The following CCNF variants were observed in gnomAD, a reference collection of about 807,000 sequenced individuals.
CCNF encodes the protein cyclin F.
CCNF carries 30 observed loss-of-function variants against 85.4 expected under a neutral mutation model. That is an observed-to-expected ratio of 0.35 (90% CI 0.26 to 0.48). The LOEUF (loss-of-function observed/expected upper bound fraction) is 0.48. CCNF is among the 20% of genes least tolerant of loss of function. The pLI is 0.99. For missense variants in CCNF, 919 were observed against 1,010.4 expected (o/e 0.91, Z 1.23); for synonymous variants, 439 against 425.1 (o/e 1.03, Z -0.40).
chr16:2,438,922 C>T (rs932164671), intron 6 of CCNF, among the ~76,000 whole-genome samples: 2 of 151,388 alleles, frequency 1.3e-5, no homozygotes, highest in South Asian at 2.1e-4. Flanking sequence ...TGCTTGAACC[C>T]GGGAAGCTGA....
chr16:2,453,437 G>A lies in CCNF; in HGVS notation c.1615G>A (p.Ala539Thr), dbSNP rs1389778807. The change falls in exon 15 of 17, where the codon GCA becomes ACA. Residue 539 changes from alanine to threonine, a missense_variant. Transcript: ENST00000397066. The surrounding 1 kb of genome is among the most constrained non-coding windows in gnomAD (Gnocchi z 5.6). The stretch of plus-strand genomic sequence containing the variant: ...GCTGAGCTACAGCCAGTTGTGTGCT[G>A]CATTAGGAGTGACACAAGACAGCCC... The part of the protein sequence containing the change: ...EVLSYSQLCA[A>T]LGVTQDSPDP... The A allele has an allele frequency of 2.5e-6, 4 of 1,613,898 alleles. No homozygotes were observed. The highest frequency in any genetic ancestry group is 3.4e-6 in the Non-Finnish European group (4 of 1,180,000).
intron 16 of CCNF, among the ~76,000 whole-genome samples, chr16:2,455,935 G>A (rs1399151588): frequency 6.6e-6 from 1 of 152,220 alleles, no homozygotes; most frequent in African/African-American, 2.4e-5. Flanking sequence ...AATTTGAGAG[G>A]CTGAGGCAGG....
In CCNF at chr16:2,451,082, C is replaced by A. The variant is rs2065392728; in HGVS notation, c.1487+1167C>A. On this transcript the variant is annotated intron_variant, in intron 13 of 16. Coordinates refer to ENST00000397066, the MANE Select transcript of CCNF (RefSeq NM_001761.3). This position sits in a 1 kb window ranked among gnomAD's most constrained non-coding sequence, Gnocchi z 4.3. ...CCCTCGCCACATCTAAGCCCCTTCACTCGCCCTGGCAGCTTCCCTTCAGCC... is the reference window on the plus strand; with the variant it reads ...CCCTCGCCACATCTAAGCCCCTTCAATCGCCCTGGCAGCTTCCCTTCAGCC... 6.6e-6 allele frequency among the ~76,000 whole-genome samples: 1 copy of A among 152,266 alleles called. No homozygotes were observed.
At chr16:2,438,731 TC>T (rs2065305245) in intron 6 of CCNF, among the ~76,000 whole-genome samples, 1 of 151,762 alleles carries the variant, frequency 6.6e-6, no homozygotes, top group African/African-American at 2.4e-5. Flanking sequence ...TCATGGTGGC[TC>T]ATTCCTGTAA....
rs1387517135 is a variant in CCNF, at chr16:2,451,460, G to T, written c.1487+1545G>T. ...CCTCCTCAGCTGTGCTCACAGACTT[G>T]CTCCTCCCACCTCTCGGCACCCCCA... On this transcript the variant is annotated intron_variant, in intron 13 of 16. Transcript: ENST00000397066. This position sits in a 1 kb window ranked among gnomAD's most constrained non-coding sequence, Gnocchi z 4.3. Among the ~76,000 whole-genome samples the T allele has an allele frequency of 6.6e-6, 1 of 152,132 alleles. No individual in the cohort carries two copies. Among genetic ancestry groups the T allele is most frequent in the Non-Finnish European group, 1.5e-5 (1 of 68,016 alleles).
At chr16:2,438,859 A>T (rs28581299) in intron 6 of CCNF, among the ~76,000 whole-genome samples, 1 of 151,248 alleles carries the variant, frequency 6.6e-6, no homozygotes, top group Non-Finnish European at 1.5e-5. Context: ...TTAGCCGGGC[A>T]TGGTGGTGGG....
rs748224007 is a variant in CCNF at position 2,453,473 on chromosome 16, A to G, written c.1651A>G (p.Thr551Ala). The change falls in exon 15 of 17, where the codon ACT becomes GCT. Residue 551 changes from threonine to alanine, a missense_variant. By Grantham distance (58) the Thr-to-Ala change is moderately conservative. Around this residue, in one of 3 missense-constraint regions of CCNF, gnomAD observed 505 missense variants for 514.8 expected, o/e 0.98. Transcript: ENST00000397066. This position sits in a 1 kb window ranked among gnomAD's most constrained non-coding sequence, Gnocchi z 5.6. The part of the protein sequence containing the change: ...GVTQDSPDPP[T>A]FLSTGEIHAF... ...GACACAAGACAGCCCCGACCCCCCG[A>G]CTTTCCTCAGCACAGGGGAGATCCA... 2.5e-6 allele frequency: 4 copies of G among 1,614,004 alleles called. No homozygotes were observed. The highest frequency in any genetic ancestry group is 3.4e-6 in the Non-Finnish European group (4 of 1,179,982).
chr16:2,437,727 T>C (rs2065299004), intron 5 of CCNF: 1 of 319,726 alleles, frequency 3.1e-6, no homozygotes, highest in Non-Finnish European at 5.8e-6. Context: ...CGAAACCTCG[T>C]CTCTACAAAA....
intron 1 of CCNF, among the ~76,000 whole-genome samples, chr16:2,430,005 T>C (rs1449887493): frequency 6.6e-6 from 1 of 152,192 alleles, no homozygotes; most frequent in East Asian, 1.9e-4. Flanking sequence ...TTTCAGCTAT[T>C]ATCATAGTAT....
intron 1 of CCNF, 145 bp downstream of exon 1, chr16:2,429,642 G>A: frequency 3.4e-6 from 3 of 890,276 alleles, no homozygotes; most frequent in Non-Finnish European, 4.4e-6. Context: ...CGGATGTCGC[G>A]TCCCGCGCAG....
intron 3 of CCNF, among the ~76,000 whole-genome samples, chr16:2,433,900 G>A (rs369391906): frequency 1.3e-5 from 2 of 152,246 alleles, no homozygotes; most frequent in East Asian, 1.9e-4. Context: ...CAGATCGACA[G>A]CCAACCAGGG....
chr16:2,452,439 TG>T lies in CCNF; in HGVS notation c.1488-767del, dbSNP rs971001280. On this transcript the variant is annotated intron_variant, in intron 13 of 16. Coordinates refer to ENST00000397066, the MANE Select transcript of CCNF (RefSeq NM_001761.3). This position sits in a 1 kb window ranked among gnomAD's most constrained non-coding sequence, Gnocchi z 4.1. ...GTCTCGTCCCACCCACCTTTGCTTA[TG>T]GGGAGCACAGATCGTCCCAACCCTG... 6.6e-6 allele frequency: 1 copy of T among 152,310 alleles called. No individual in the cohort carries two copies. The highest frequency in any genetic ancestry group is 2.4e-5 in the African/African-American group (1 of 41,464). The allele number at this position is 152,310 out of a possible 1,614,324, so 9.4% of individuals were successfully genotyped here.
Position 2,443,759 on chromosome 16 carries a change from A to G in CCNF, c.888A>G (p.Gln296=), listed in dbSNP as rs745520562. ...LFQASQAVSK[Q]QVFSVQKGLN... is the part of the protein sequence containing the mutation. Reference sequence around the variant, plus strand: ...AGGCTTCCCAGGCTGTCAGTAAACAACAAGTCTTCTCCGTGCAGAAGGGAC... The same window carrying G: ...AGGCTTCCCAGGCTGTCAGTAAACAGCAAGTCTTCTCCGTGCAGAAGGGAC... Residue 296 remains glutamine, a synonymous_variant, in exon 9 of 17, where the codon CAA becomes CAG. Coordinates refer to ENST00000397066, the MANE Select transcript of CCNF (RefSeq NM_001761.3). 2.0e-5 allele frequency: 32 copies of G among 1,614,166 alleles called. No homozygotes were observed. The East Asian group carries it at 4.5e-4, about 22-fold the overall frequency.
At position 2,445,462 on chromosome 16, in the gene CCNF, A is replaced by G; in HGVS notation, c.934A>G (p.Ile312Val). The G allele has an allele frequency of 6.2e-7, 1 of 1,614,132 alleles. No individual in the cohort carries two copies. The highest frequency in any genetic ancestry group is 1.1e-5 in the South Asian group (1 of 91,088). Residue 312 changes from isoleucine (I) to valine (V), a missense_variant, in exon 10 of 17, where the codon ATT becomes GTT. Coordinates refer to ENST00000397066, the MANE Select transcript of CCNF (RefSeq NM_001761.3). Reference sequence around the variant, plus strand: ...CACGTGCTTCTCTTTCCGCAGGTACATTCTGATCGACTGGCTGGTGGAAGT... The same window carrying G: ...CACGTGCTTCTCTTTCCGCAGGTACGTTCTGATCGACTGGCTGGTGGAAGT... ...QKGLNDTMRY[I>V]LIDWLVEVAT...
chr16:2,439,703 T>TC (rs2065311001), intron 7 of CCNF, 46 bp from the exon 8 acceptor site: 2 of 1,527,096 alleles, frequency 1.3e-6, no homozygotes, highest in African/African-American at 2.7e-5. Context: ...TCTGAGTTCC[T>TC]CCCAAGACAC....
In CCNF at chr16:2,429,496, C is replaced by T. The variant is rs755721747; in HGVS notation, c.15C>T (p.Gly5=). Residue 5 remains glycine, a splice_region_variant and synonymous_variant, in exon 1 of 17, where the codon GGC becomes GGT. Coordinates refer to ENST00000397066, the MANE Select transcript of CCNF (RefSeq NM_001761.3). The part of the protein sequence containing the change: MGSG[G]VVHCRCAKCF... Reference sequence around the variant, plus strand: ...CGAGCGCGGCGATGGGGAGCGGCGGCGGTGAGTGCGGGGCGATGTCCGCTG... The same window carrying T: ...CGAGCGCGGCGATGGGGAGCGGCGGTGGTGAGTGCGGGGCGATGTCCGCTG... 2.4e-6 allele frequency: 3 copies of T among 1,231,890 alleles called. No individual in the cohort carries two copies. The highest frequency in any genetic ancestry group is 4.1e-5 in the South Asian group (1 of 24,472). The allele number at this position is 1,231,890 out of a possible 1,614,324, so 76.3% of individuals were successfully genotyped here. A position where few individuals can be genotyped will look rare whatever the true frequency, so the allele number is the denominator to read the frequency against.
At position 2,431,125 on chromosome 16, in the gene CCNF, T is replaced by C. The variant is rs2065260260; in HGVS notation, c.17-5T>C. ...TATCAAGGCTTCTGTCTTTTTTTCC[T>C]TCAGTGGTCCACTGTAGGTGTGCCA... On this transcript the variant is annotated splice_polypyrimidine_tract_variant and splice_region_variant and intron_variant, in intron 1 of 16. Coordinates refer to ENST00000397066, the MANE Select transcript of CCNF (RefSeq NM_001761.3). 1.2e-6 allele frequency: 2 copies of C among 1,613,252 alleles called. No homozygotes were observed. Among genetic ancestry groups the C allele is most frequent in the Admixed American group, 1.7e-5 (1 of 59,806 alleles).
At chr16:2,429,628 G>A in intron 1 of CCNF, 131 bp downstream of exon 1, 1 of 951,016 alleles carries the variant, frequency 1.1e-6, no homozygotes, top group Non-Finnish European at 1.4e-6. Flanking sequence ...TCTTTAACCC[G>A]GGGCGGATGT....
At chr16:2,431,070 A>G (rs2065259852) in intron 1 of CCNF, 60 bp from the exon 2 acceptor site, 2 of 1,535,066 alleles carry the variant, frequency 1.3e-6, no homozygotes, top group African/African-American at 2.7e-5. Context: ...TTTCCCTTCA[A>G]GGGTGTGTAT....
Sources: gnomAD v4.1 joint callset for allele counts (sites outside exome capture counted in the v4.1 genomes callset) on GRCh38, gnomAD v4.1.1 for gene constraint, gnomAD v4.1.1 regional missense constraint, Gnocchi (gnomAD v3.1) non-coding constraint, MANE v1.5 for transcripts, NCBI Gene and HGNC (gene_info 2026-07-23, HGNC 2026-07-21) for gene names.